PLXNA4: variants seen among roughly 807,000 people sequenced by gnomAD.
PLXNA4 encodes the protein plexin-A4.
Under a neutral mutation model 191.8 loss-of-function variants are expected in PLXNA4, and 44 were observed. The ratio of observed to expected loss-of-function variants is 0.23; its 90% CI spans 0.18 to 0.29. The LOEUF (loss-of-function observed/expected upper bound fraction) is 0.29, where lower values mean the gene tolerates loss of function less well. PLXNA4 is among the 10% of genes least tolerant of loss of function. The pLI is 1.00. For missense variants in PLXNA4, 1,800 were observed against 2,488.8 expected, an observed-to-expected ratio of 0.72 and a Z score of 5.89; for synonymous variants, 1,082 against 1,009.5, an observed-to-expected ratio of 1.07 and a Z score of -1.36.
At chr7:132,614,943 C>T (rs985219480) in intron 2 of PLXNA4, among the ~76,000 whole-genome samples, 3 of 152,190 alleles carry the variant, frequency 2.0e-5, no homozygotes, top group Non-Finnish European at 4.4e-5. Flanking sequence ...CTTCCGGAGC[C>T]TCTTCTGAAA....
chr7:132,309,077 A>G (rs1223743576), intron 3 of PLXNA4, among the ~76,000 whole-genome samples: 1 of 152,206 alleles, frequency 6.6e-6, no homozygotes, highest in African/African-American at 2.4e-5. Context: ...GCTCTTTAGC[A>G]TGAATTGTAC....
At chr7:132,221,638 G>A (rs537211165) in intron 9 of PLXNA4, among the ~76,000 whole-genome samples, 12 of 152,112 alleles carry the variant, frequency 7.9e-5, no homozygotes, top group Non-Finnish European at 1.8e-4. Context: ...TTATATCCAT[G>A]TTGTCTTTGT....
At chr7:132,211,176 G>T (rs1189871951) in intron 9 of PLXNA4, 33 bp from the exon 10 acceptor site, 1 of 1,543,436 alleles carries the variant, frequency 6.5e-7, no homozygotes, top group Non-Finnish European at 8.8e-7. Context: ...AGGCTGGGCA[G>T]CCAGGAAACC....
intron 2 of PLXNA4, among the ~76,000 whole-genome samples, chr7:132,491,265 G>C (rs546714687): frequency 1.3e-5 from 2 of 152,328 alleles, no homozygotes; most frequent in African/African-American, 2.4e-5. Context: ...TTTTTTAAAG[G>C]CTTCAATCCA....
chr7:132,543,110 G>T (rs1333880989), intron 1 of PLXNA4, among the ~76,000 whole-genome samples: 1 of 152,162 alleles, frequency 6.6e-6, no homozygotes, highest in Non-Finnish European at 1.5e-5. Context: ...CAATGACTAG[G>T]ATAAGGTATC....
intron 1 of PLXNA4, among the ~76,000 whole-genome samples, chr7:132,647,268 C>T (rs1563203316): frequency 6.6e-6 from 1 of 151,776 alleles, no homozygotes; most frequent in Non-Finnish European, 1.5e-5. Context: ...TGCAGTCACA[C>T]ATATATATAC....
intron 1 of PLXNA4, among the ~76,000 whole-genome samples, chr7:132,569,639 A>G (rs141857270): frequency 5.7e-4 from 87 of 152,378 alleles, no homozygotes; most frequent in African/African-American, 1.9e-3. Flanking sequence ...TGCTTTAGTT[A>G]GAGTTATCTA....
chr7:132,628,349 T>G (rs1447232252), intron 2 of PLXNA4, among the ~76,000 whole-genome samples: 2 of 152,046 alleles, frequency 1.3e-5, no homozygotes, highest in Non-Finnish European at 2.9e-5. Context: ...TGTCTCTCTC[T>G]CGCTCTCTCT....
chr7:132,201,254 AC>A (rs61327776), intron 12 of PLXNA4, among the ~76,000 whole-genome samples: 6,765 of 152,076 alleles, frequency 0.044, 216 homozygotes, highest in Non-Finnish European at 0.069. Context: ...TTGACCGTCT[AC>A]CTCCTGAACG....
rs202208802 is a variant in PLXNA4, at chr7:132,597,861, A to C, written c.-87+48067T>G. The stretch of plus-strand genomic sequence containing the variant: ...TTGCGCTCTCTCTCTCTCTCTCTCT[A>C]TATATATATATACATCCAATCTGTA... On this transcript the variant is annotated intron_variant, in intron 2 of 4. Transcript: ENST00000378539. Among the ~76,000 whole-genome samples, 818 of 86,950 alleles carry C rather than the reference A, an allele frequency of 9.4e-3. 9 individuals carry two copies. The highest frequency in any genetic ancestry group is 0.03 in the African/African-American group (755 of 25,166). The allele number at this position is 86,950 out of a possible 152,430, so 57.0% of individuals were successfully genotyped here.
At chr7:132,189,002 G>GGAGAGGAGAGGAGAGGAAAGGAAA (rs1562908904) in intron 14 of PLXNA4, among the ~76,000 whole-genome samples, 6 of 44,984 alleles carry the variant, frequency 1.3e-4, no homozygotes, top group East Asian at 8.2e-4. Flanking sequence ...AGGAGAGAGA[G>GGAGAGGAGAGGAGAGGAAAGGAAA]AGAGAGAGAG....
At chr7:132,283,781 G>A (rs575488475) in intron 4 of PLXNA4, among the ~76,000 whole-genome samples, 1 of 152,336 alleles carries the variant, frequency 6.6e-6, no homozygotes, top group Admixed American at 6.5e-5. Context: ...GACTTTGAGA[G>A]ATACTACTTC....
intron 3 of PLXNA4, among the ~76,000 whole-genome samples, chr7:132,391,411 C>T (rs1374742487): frequency 6.6e-6 from 1 of 152,240 alleles, no homozygotes; most frequent in Non-Finnish European, 1.5e-5. Context: ...CTGATATGTT[C>T]TAATTACTTC....
At chr7:132,188,992 AG>A (rs1300638991) in intron 14 of PLXNA4, among the ~76,000 whole-genome samples, 9 of 35,752 alleles carry the variant, frequency 2.5e-4, no homozygotes, top group East Asian at 1.3e-3. Context: ...AGGAAAGGAA[AG>A]GAGAGAGAGA....
At chr7:132,368,614 C>A (rs1023266349) in intron 3 of PLXNA4, among the ~76,000 whole-genome samples, 16 of 152,218 alleles carry the variant, frequency 1.1e-4, no homozygotes, top group African/African-American at 3.6e-4. Context: ...GCTCACAGCA[C>A]CTGATGGACA....
chr7:132,562,501 C>A (rs528521582), intron 1 of PLXNA4, among the ~76,000 whole-genome samples: 2 of 134,356 alleles, frequency 1.5e-5, no homozygotes, highest in Non-Finnish European at 3.1e-5. Context: ...TCTTTCTCCT[C>A]CTCCTCCTTC....
At chr7:132,272,569 G>T (rs946092763) in intron 4 of PLXNA4, among the ~76,000 whole-genome samples, 7 of 152,144 alleles carry the variant, frequency 4.6e-5, no homozygotes, top group African/African-American at 1.7e-4. Context: ...AATCAAGTCA[G>T]TTGGTCTCTT....
At chr7:132,485,596 T>A (rs1327301961) in intron 3 of PLXNA4, among the ~76,000 whole-genome samples, 7 of 152,216 alleles carry the variant, frequency 4.6e-5, no homozygotes, top group Non-Finnish European at 8.8e-5. Context: ...AGATTTAGGT[T>A]TGCTTGGCCC....
intron 2 of PLXNA4, among the ~76,000 whole-genome samples, chr7:132,617,708 T>C (rs182318975): frequency 3.3e-5 from 5 of 152,308 alleles, no homozygotes; most frequent in Admixed American, 3.3e-4. Flanking sequence ...GGACTGCTAC[T>C]GAATTACACT....
Sources: allele counts gnomAD v4.1 joint callset (sites outside exome capture counted in the v4.1 genomes callset), GRCh38; gene constraint gnomAD v4.1.1; transcripts MANE v1.5; gene names NCBI Gene and HGNC (gene_info 2026-07-23, HGNC 2026-07-21).